The following FAM47E variants were observed in gnomAD, a reference collection of about 807,000 sequenced individuals.
FAM47E encodes family with sequence similarity 47 member E, also known as protein FAM47E.
Under a neutral mutation model 41.6 loss-of-function variants are expected in FAM47E, and 32 were observed. The observed-to-expected ratio is 0.77, with a 90% confidence interval of 0.58 to 1.03. FAM47E has a LOEUF of 1.03. Ranked by LOEUF, FAM47E falls within the 50% of genes least tolerant of loss-of-function variation. The pLI is 0.00. For synonymous variants in FAM47E, 184 were observed against 188.7 expected (o/e 0.98, Z 0.20); for missense variants, 424 against 485.4 (o/e 0.87, Z 1.19).
rs1292859791 is a variant in FAM47E, at chr4:76,263,689, A to G, written c.421-15A>G. 1.9e-6 allele frequency: 3 copies of G among 1,547,954 alleles called. No homozygotes were observed. The highest frequency in any genetic ancestry group is 4.9e-5 in the East Asian group (2 of 40,906). Reference sequence around the variant, plus strand: ...CATGTTTTTCTTTTCCTCTAAGACTATTTTCTGTTTGTAGCTCTTATCAAA... The same window carrying G: ...CATGTTTTTCTTTTCCTCTAAGACTGTTTTCTGTTTGTAGCTCTTATCAAA... On this transcript the variant is annotated splice_polypyrimidine_tract_variant and intron_variant, in intron 2 of 7. Coordinates refer to ENST00000424749, the MANE Select transcript of FAM47E (RefSeq NM_001136570.3).
At chr4:76,247,585 C>A (rs933835183), upstream of FAM47E, among the ~76,000 whole-genome samples, 5 of 150,226 alleles carry the variant, frequency 3.3e-5, no homozygotes, top group African/African-American at 1.2e-4. Context: ...TTCTCCACAT[C>A]CTCACCAACA....
chr4:76,228,606 G>A (rs1733441325), intron 2 of FAM47E, among the ~76,000 whole-genome samples: 1 of 152,000 alleles, frequency 6.6e-6, no homozygotes, highest in South Asian at 2.1e-4. Context: ...ATTTATTTAT[G>A]AAGCTTAGTT....
intron 2 of FAM47E, among the ~76,000 whole-genome samples, chr4:76,222,642 C>A (rs1288452144): frequency 6.6e-6 from 1 of 152,224 alleles, no homozygotes; most frequent in East Asian, 1.9e-4. Context: ...CCTTCACATT[C>A]TTTCAGAGTC....
chr4:76,215,338 T>G (rs1338390798), intron 1 of FAM47E, among the ~76,000 whole-genome samples: 1 of 152,214 alleles, frequency 6.6e-6, no homozygotes, highest in Non-Finnish European at 1.5e-5. Flanking sequence ...GGATCCTGCT[T>G]GAACCAGGAT....
chr4:76,256,325 T>G lies in FAM47E; in HGVS notation c.222T>G (p.Phe74Leu). The G allele has an allele frequency of 6.4e-7, 1 of 1,551,700 alleles. No individual in the cohort carries two copies. Among genetic ancestry groups the G allele is most frequent in the Middle Eastern group, 1.7e-4 (1 of 5,992 alleles). Residue 74 changes from phenylalanine (F) to leucine (L), a missense_variant, in exon 2 of 8, where the codon TTT becomes TTG. Phe to Leu is a conservative substitution (Grantham distance 22). Transcript: ENST00000424749. The stretch of plus-strand genomic sequence containing the variant: ...TGACTCAGGTCCCTGTGGAGGGCTT[T>G]CTGCCCCAGATTTATCACAGAGCTC... ...GLVTQVPVEG[F>L]LPQIYHRAPQ... is the part of the protein sequence containing the mutation.
chr4:76,216,948 T>C (rs940427792), intron 1 of FAM47E, among the ~76,000 whole-genome samples: 1 of 152,242 alleles, frequency 6.6e-6, no homozygotes, highest in Non-Finnish European at 1.5e-5. Context: ...CATAACTTTT[T>C]AGCAGCTGGC....
At chr4:76,267,930 T>C (rs867473195) in intron 3 of FAM47E, 2 of 152,178 alleles carry the variant, frequency 1.3e-5, no homozygotes, top group Non-Finnish European at 2.9e-5. Context: ...GGGGTTTCTT[T>C]CGGGGTAATA....
At chr4:76,228,487 AAAAAG>A (rs1733438469) in intron 2 of FAM47E, among the ~76,000 whole-genome samples, 1 of 151,220 alleles carries the variant, frequency 6.6e-6, no homozygotes. Context: ...TTAAAAAAAA[AAAAAG>A]AAAGAAAGAA....
chr4:76,277,509 GAAA>G, intron 5 of FAM47E, among the ~76,000 whole-genome samples: 1 of 135,948 alleles, frequency 7.4e-6, no homozygotes, highest in Admixed American at 7.3e-5. Flanking sequence ...GAAAGAAAAA[GAAA>G]AAAAAAAGGC....
In FAM47E at chr4:76,245,209, A is replaced by T. The variant is rs13328061; in HGVS notation, c.82-18495A>T. ...ATACTGAGTCATAAGTAACATACGTATCAGAGTAAAACCAGGAAAACAGAA... is the reference window on the plus strand; with the variant it reads ...ATACTGAGTCATAAGTAACATACGTTTCAGAGTAAAACCAGGAAAACAGAA... On this transcript the variant is annotated intron_variant, in intron 2 of 7. Transcript: ENST00000510197. Among the ~76,000 whole-genome samples, 699 of 152,256 alleles carry T rather than the reference A, an allele frequency of 4.6e-3. 7 individuals are homozygous for T. The highest frequency in any genetic ancestry group is 0.016 in the African/African-American group (658 of 41,504).
Position 76,256,467 on chromosome 4 carries a change from C to T in FAM47E, c.364C>T (p.Leu122=), listed in dbSNP as rs1344470535. The T allele has an allele frequency of 6.4e-7, 1 of 1,551,798 alleles. No individual in the cohort carries two copies. Among genetic ancestry groups the T allele is most frequent in the Non-Finnish European group, 8.7e-7 (1 of 1,147,078 alleles). The part of the protein sequence containing the change: ...KAFLEDVEAH[L]TPHPLALYLN... ...ATTCCTGGAGGACGTGGAGGCCCAC[C>T]TGACCCCACATCCCTTAGCGCTCTA... Residue 122 remains leucine (L), a synonymous_variant, in exon 2 of 8, where the codon CTG becomes TTG. Coordinates refer to ENST00000424749, the MANE Select transcript of FAM47E (RefSeq NM_001136570.3).
rs568347759 is a variant in FAM47E, at chr4:76,272,133, G to T, written c.870+365G>T. On this transcript the variant is annotated intron_variant, in intron 5 of 7. Transcript: ENST00000424749. The stretch of plus-strand genomic sequence containing the variant: ...GAATGCTGTTAATATTATGTCCAAA[G>T]AATTCTTAAATTTTTGCTGGAGTCT... Among the ~76,000 whole-genome samples, 3 of 152,296 alleles carry T rather than the reference G, an allele frequency of 2.0e-5. No homozygotes were observed. In the East Asian group the frequency reaches 5.8e-4, roughly 29 times the overall value.
intron 2 of FAM47E, among the ~76,000 whole-genome samples, chr4:76,240,857 C>G (rs915722665): frequency 8.6e-5 from 13 of 152,044 alleles, no homozygotes; most frequent in Admixed American, 8.5e-4. Flanking sequence ...AACTTTAAGA[C>G]AGTTGTTTTA....
At chr4:76,229,343 G>A (rs1390260094) in intron 2 of FAM47E, among the ~76,000 whole-genome samples, 2 of 152,152 alleles carry the variant, frequency 1.3e-5, no homozygotes, top group Non-Finnish European at 2.9e-5. Context: ...TCATGTGGCA[G>A]TTCAGACATG....
chr4:76,215,175 A>G (rs1233838227), intron 1 of FAM47E, among the ~76,000 whole-genome samples: 1 of 151,906 alleles, frequency 6.6e-6, no homozygotes, highest in African/African-American at 2.4e-5. Context: ...TCAGCAGTTG[A>G]GGCGGAGCCA....
chr4:76,240,900 C>CT (rs1328969417), intron 2 of FAM47E, among the ~76,000 whole-genome samples: 1 of 152,082 alleles, frequency 6.6e-6, no homozygotes, highest in Admixed American at 6.5e-5. Flanking sequence ...CCATCAGATC[C>CT]TTTTCAAGGA....
intron 1 of FAM47E, 52 bp from the exon 2 acceptor site, chr4:76,256,126 A>C (rs1019919187): frequency 2.7e-6 from 4 of 1,504,636 alleles, no homozygotes; most frequent in Non-Finnish European, 3.6e-6. Flanking sequence ...TGTGGTTAAT[A>C]TGAACAGGCA....
intron 2 of FAM47E, among the ~76,000 whole-genome samples, chr4:76,228,872 C>T (rs1027704672): frequency 6.6e-6 from 1 of 152,102 alleles, no homozygotes; most frequent in African/African-American, 2.4e-5. Context: ...GTTCTTTGAG[C>T]TTCTTGTATT....
chr4:76,250,423 C>T (rs763177170), upstream of FAM47E, among the ~76,000 whole-genome samples: 5 of 152,024 alleles, frequency 3.3e-5, no homozygotes, highest in Admixed American at 6.5e-5. Context: ...TTTTTTCTTG[C>T]TGGCTTGTTT....
Sources: allele counts gnomAD v4.1 joint callset (sites outside exome capture counted in the v4.1 genomes callset), GRCh38; gene constraint gnomAD v4.1.1; transcripts MANE v1.5; gene names NCBI Gene and HGNC (gene_info 2026-07-23, HGNC 2026-07-21).